KAZN: variants seen among roughly 807,000 people sequenced by gnomAD.
KAZN encodes kazrin, periplakin interacting protein, also known as kazrin.
KAZN carries 40 observed loss-of-function variants against 87.4 expected under a neutral mutation model. The observed-to-expected ratio is 0.46, with a 90% CI of 0.36 to 0.60. The LOEUF is 0.60. Among genes scored for constraint, KAZN ranks in the 20% least tolerant of loss-of-function variants. The probability of loss-of-function intolerance (pLI) is 0.00; values close to 1 mark genes in which losing one functional copy is unlikely to be tolerated. For synonymous variants in KAZN, 466 were observed against 458.3 expected (o/e 1.02, Z -0.22); for missense variants, 898 against 1,073.9 (o/e 0.84, Z 2.29).
intron 1 of KAZN, among the ~76,000 whole-genome samples, chr1:13,961,993 G>A (rs771988447): frequency 1.1e-4 from 17 of 152,210 alleles, no homozygotes; most frequent in African/African-American, 2.6e-4. Context: ...CCTTCTCACC[G>A]CGTGAGCTCC....
At chr1:14,892,746 C>T (rs1462074304) in intron 1 of KAZN, among the ~76,000 whole-genome samples, 1 of 152,188 alleles carries the variant, frequency 6.6e-6, no homozygotes, top group Non-Finnish European at 1.5e-5. Context: ...GCCCAGGACA[C>T]TTGTGCCACG....
chr1:14,957,726 A>C (rs895356893), intron 1 of KAZN, among the ~76,000 whole-genome samples: 3 of 152,172 alleles, frequency 2.0e-5, no homozygotes, highest in African/African-American at 7.2e-5. Context: ...GGAGGCCCTG[A>C]GGTGTGGCGA....
In KAZN at chr1:15,096,472, C is replaced by A. The variant is rs892609423; in HGVS notation, c.1547+1539C>A. The stretch of plus-strand genomic sequence containing the variant: ...GTGCGGCCTGCCCAGCCCCTGCCCC[C>A]GACAGCCTCGTCCCCCAGCATGGCC... On this transcript the variant is annotated intron_variant, in intron 10 of 14. Transcript: ENST00000376030. The surrounding 1 kb of genome is among the most constrained non-coding windows in gnomAD (Gnocchi z 4.5). Among the ~76,000 whole-genome samples, 4 of 152,342 alleles carry A rather than the reference C, an allele frequency of 2.6e-5. No homozygotes were observed. Among genetic ancestry groups the A allele is most frequent in the Admixed American group, 2.0e-4 (3 of 15,314 alleles).
chr1:14,836,702 C>A (rs1296336069), intron 1 of KAZN, among the ~76,000 whole-genome samples: 5 of 152,148 alleles, frequency 3.3e-5, no homozygotes, highest in Admixed American at 3.3e-4. Context: ...CAAGCCAAGT[C>A]CTGCACGATG....
intron 1 of KAZN, among the ~76,000 whole-genome samples, chr1:14,081,324 T>C (rs1268299737): frequency 6.6e-6 from 1 of 152,086 alleles, no homozygotes; most frequent in Non-Finnish European, 1.5e-5. Context: ...ATCTGTGATA[T>C]GACCACTCGG....
At chr1:14,863,533 C>T (rs3765381) in intron 1 of KAZN, among the ~76,000 whole-genome samples, 13,664 of 152,236 alleles carry the variant, frequency 0.09, 677 homozygotes, top group Middle Eastern at 0.15. Flanking sequence ...TTTCTGTTTA[C>T]TTTTCAAACA....
chr1:14,800,273 C>G (rs1645967233), intron 1 of KAZN, among the ~76,000 whole-genome samples: 1 of 152,224 alleles, frequency 6.6e-6, no homozygotes, highest in South Asian at 2.1e-4. Flanking sequence ...TCCACACAAA[C>G]ACTCCTATGA....
chr1:14,184,497 C>T lies in KAZN; in HGVS notation c.249+3905C>T, dbSNP rs1370368519. ...CATTTGCCAAAAGCCTATATTCCCC[C>T]TTGCCAAGCAAGAGCGGAAGCAGCA... On this transcript the variant is annotated intron_variant, in intron 2 of 16. Transcript: ENST00000636203. This position sits in a 1 kb window ranked among gnomAD's most constrained non-coding sequence, Gnocchi z 4.2. Among the ~76,000 whole-genome samples the T allele has an allele frequency of 6.6e-6, 1 of 152,154 alleles. No homozygotes were observed. Among genetic ancestry groups the T allele is most frequent in the African/African-American group, 2.4e-5 (1 of 41,448 alleles).
At chr1:14,845,552 T>A (rs1223943520) in intron 1 of KAZN, among the ~76,000 whole-genome samples, 2 of 145,732 alleles carry the variant, frequency 1.4e-5, no homozygotes, top group African/African-American at 5.2e-5. Flanking sequence ...GATGCATAGA[T>A]GGGTGGGTGG....
At chr1:14,727,932 G>A (rs931442431) in intron 1 of KAZN, among the ~76,000 whole-genome samples, 3 of 152,036 alleles carry the variant, frequency 2.0e-5, no homozygotes, top group Non-Finnish European at 2.9e-5. Context: ...ATTCTCCTAA[G>A]GAATCAGCAA....
intron 2 of KAZN, among the ~76,000 whole-genome samples, chr1:14,991,657 C>T (rs576541376): frequency 3.3e-4 from 51 of 152,326 alleles, no homozygotes; most frequent in African/African-American, 1.2e-3. Context: ...CACACATACC[C>T]AGGTACACCT....
At chr1:14,720,231 T>C (rs1474194720) in intron 1 of KAZN, among the ~76,000 whole-genome samples, 1 of 152,180 alleles carries the variant, frequency 6.6e-6, no homozygotes, top group East Asian at 1.9e-4. Context: ...AGCTTTAACT[T>C]GGAGAAAGAA....
intron 2 of KAZN, among the ~76,000 whole-genome samples, chr1:14,222,269 T>A (rs1324715377): frequency 6.6e-6 from 1 of 152,176 alleles, no homozygotes. Flanking sequence ...GTCCAGCTGG[T>A]CACGGCCATG....
At chr1:14,453,144 A>G (rs988120697) in intron 2 of KAZN, among the ~76,000 whole-genome samples, 36 of 151,966 alleles carry the variant, frequency 2.4e-4, no homozygotes, top group Non-Finnish European at 4.4e-4. Flanking sequence ...TTTAGTAGAG[A>G]CAGGGTTTCA....
chr1:14,779,435 TC>T (rs1645269717), intron 1 of KAZN, among the ~76,000 whole-genome samples: 1 of 152,150 alleles, frequency 6.6e-6, no homozygotes, highest in African/African-American at 2.4e-5. Context: ...TCTCATACCT[TC>T]CCCGGCCTTT....
chr1:14,392,157 T>G (rs1303241499), intron 2 of KAZN, among the ~76,000 whole-genome samples: 1 of 152,132 alleles, frequency 6.6e-6, no homozygotes, highest in African/African-American at 2.4e-5. Flanking sequence ...TTAAGCCTCT[T>G]TATCCCCTGA....
chr1:14,031,016 C>T (rs61777710), intron 1 of KAZN, among the ~76,000 whole-genome samples: 21,538 of 152,094 alleles, frequency 0.14, 1,933 homozygotes, highest in Middle Eastern at 0.25. Flanking sequence ...TTTGTGCCCA[C>T]GGTTTCTCCT....
intron 2 of KAZN, among the ~76,000 whole-genome samples, chr1:14,401,962 A>G (rs1663446319): frequency 6.6e-6 from 1 of 152,128 alleles, no homozygotes; most frequent in East Asian, 1.9e-4. Context: ...GCCTGCTATC[A>G]CATCTATTAT....
chr1:14,178,163 T>A (rs944026761), intron 1 of KAZN, among the ~76,000 whole-genome samples: 25 of 152,194 alleles, frequency 1.6e-4, no homozygotes, highest in African/African-American at 5.5e-4. Context: ...AGGTGCCTTC[T>A]GCCATGATTT....
Sources: gnomAD v4.1 joint callset for allele counts (sites outside exome capture counted in the v4.1 genomes callset) on GRCh38, gnomAD v4.1.1 for gene constraint, Gnocchi (gnomAD v3.1) non-coding constraint, MANE v1.5 for transcripts, NCBI Gene and HGNC (gene_info 2026-07-23, HGNC 2026-07-21) for gene names.